RFX2: variants seen among roughly 807,000 people sequenced by gnomAD.
The protein encoded by RFX2 is regulatory factor X2.
Under a neutral mutation model 87.8 loss-of-function variants are expected in RFX2, and 20 were observed. That is an observed-to-expected ratio of 0.23 (90% CI 0.16 to 0.33). The LOEUF is 0.33. Among genes scored for constraint, RFX2 ranks in the 10% least tolerant of loss-of-function variants. RFX2 has a pLI of 1.00. For missense variants in RFX2, 767 were observed against 1,012.3 expected, an observed-to-expected ratio of 0.76 and a Z score of 3.29; for synonymous variants, 397 against 431.3, an observed-to-expected ratio of 0.92 and a Z score of 0.98.
At position 5,993,292 on chromosome 19, in the gene RFX2, A is replaced by T. The variant is rs957884327; in HGVS notation, c.*1543T>A. ...ATTTTAAAGACATTCTTTCTGTCTG[A>T]TTTCAACTAAGGTTTGGGCTATACG... On this transcript the variant is annotated 3_prime_UTR_variant, in exon 18 of 18. Coordinates refer to ENST00000303657, the MANE Select transcript of RFX2 (RefSeq NM_000635.4). 1 of 152,232 alleles carries T rather than the reference A, an allele frequency of 6.6e-6. No individual in the cohort carries two copies. The highest frequency in any genetic ancestry group is 2.4e-5 in the African/African-American group (1 of 41,456). The allele number at this position is 152,232 out of a possible 1,614,324, so 9.4% of individuals were successfully genotyped here.
intron 6 of RFX2, among the ~76,000 whole-genome samples, chr19:6,018,327 C>T (rs181523585): frequency 4.3e-4 from 65 of 152,316 alleles, no homozygotes; most frequent in Admixed American, 5.2e-4. Flanking sequence ...CCTGCACCAG[C>T]GACCAGCACC....
chr19:6,107,064 G>A (rs914424538), intron 1 of RFX2, among the ~76,000 whole-genome samples: 1 of 151,948 alleles, frequency 6.6e-6, no homozygotes, highest in African/African-American at 2.4e-5. Flanking sequence ...GGGAGGCCAA[G>A]GTGGGCGGAT....
intron 5 of RFX2, among the ~76,000 whole-genome samples, chr19:6,029,905 T>C (rs931838529): frequency 2.0e-5 from 3 of 152,036 alleles, no homozygotes; most frequent in African/African-American, 7.3e-5. Flanking sequence ...ATCAGGGAAC[T>C]TGAAGATGGG....
At chr19:6,075,211 A>G (rs573900614) in intron 1 of RFX2, among the ~76,000 whole-genome samples, 7 of 152,260 alleles carry the variant, frequency 4.6e-5, no homozygotes, top group Non-Finnish European at 4.4e-5. Flanking sequence ...TTGCTGAAAC[A>G]GCCCAAACAG....
chr19:6,005,131 T>C (rs2086563542), intron 12 of RFX2, among the ~76,000 whole-genome samples: 2 of 151,862 alleles, frequency 1.3e-5, no homozygotes, highest in Admixed American at 1.3e-4. Context: ...GAAAAATATT[T>C]TAAAATGCAA....
At chr19:6,000,737 C>T (rs1025842724) in intron 15 of RFX2, among the ~76,000 whole-genome samples, 12 of 152,240 alleles carry the variant, frequency 7.9e-5, no homozygotes, top group African/African-American at 1.2e-4. Context: ...TCCATTCAAC[C>T]TATTTTTCTT....
In RFX2 at chr19:6,039,618, G is replaced by A. The variant is rs1450212746; in HGVS notation, c.522+362C>T. Among the ~76,000 whole-genome samples the A allele has an allele frequency of 6.6e-6, 1 of 152,182 alleles. No individual in the cohort carries two copies. Among genetic ancestry groups the A allele is most frequent in the African/African-American group, 2.4e-5 (1 of 41,438 alleles). ...GATTCAGTCCAGGTGTCTCATGGAT[G>A]GATTGATCCACGCCTCTAAAAGCTT... On this transcript the variant is annotated intron_variant, in intron 5 of 17. Coordinates refer to ENST00000303657, the MANE Select transcript of RFX2 (RefSeq NM_000635.4). The surrounding 1 kb of genome is among the most constrained non-coding windows in gnomAD (Gnocchi z 5.2).
At position 6,020,256 on chromosome 19, in the gene RFX2, A is replaced by C. The variant is rs1466678315; in HGVS notation, c.598-3985T>G. 1 of 152,158 alleles carries C rather than the reference A, an allele frequency of 6.6e-6. No homozygotes were observed. Among genetic ancestry groups the C allele is most frequent in the African/African-American group, 2.4e-5 (1 of 41,408 alleles). 9.4% of individuals were successfully genotyped at this position (152,158 alleles called of 1,614,324 possible). On this transcript the variant is annotated intron_variant, in intron 6 of 17. Transcript: ENST00000303657. The surrounding 1 kb of genome is among the most constrained non-coding windows in gnomAD (Gnocchi z 5.3). ...TAAAAAGAAAGTTTTGGAACAGATGATCCTTCTGCTGTTTACCCCCGAACC... is the reference window on the plus strand; with the variant it reads ...TAAAAAGAAAGTTTTGGAACAGATGCTCCTTCTGCTGTTTACCCCCGAACC...
rs748517008 is a variant in RFX2 at position 5,997,230 on chromosome 19, A to G, written c.1860-17T>C. 4.4e-6 allele frequency: 7 copies of G among 1,605,146 alleles called. No homozygotes were observed. The South Asian group carries it at 6.6e-5, about 15-fold the overall frequency. Reference sequence around the variant, plus strand: ...ACCATGGAGCTGGGGACAAGCGGACAGAGGCTGGGGACCCTCAGGGGAGCA... The same window carrying G: ...ACCATGGAGCTGGGGACAAGCGGACGGAGGCTGGGGACCCTCAGGGGAGCA... On this transcript the variant is annotated splice_polypyrimidine_tract_variant and intron_variant, in intron 15 of 17. Coordinates refer to ENST00000303657, the MANE Select transcript of RFX2 (RefSeq NM_000635.4). This position sits in a 1 kb window ranked among gnomAD's most constrained non-coding sequence, Gnocchi z 4.2.
intron 5 of RFX2, among the ~76,000 whole-genome samples, chr19:6,029,841 T>C (rs1427803377): frequency 2.6e-5 from 4 of 152,186 alleles, no homozygotes; most frequent in African/African-American, 9.7e-5. Flanking sequence ...ATAGCTGGAA[T>C]GAAAACTTCA....
In RFX2 at chr19:6,074,158, G is replaced by A. The variant is rs553638685; in HGVS notation, c.-8-26654C>T. Among the ~76,000 whole-genome samples, 44 of 152,324 alleles carry A rather than the reference G, an allele frequency of 2.9e-4. No individual in the cohort carries two copies. The South Asian group carries it at 5.6e-3, about 19-fold the overall frequency. ...GAAGGGCAGCTCTGCCCAAAGCGGC[G>A]GACCAGGTGGGCAAACAGAGAGCCG... On this transcript the variant is annotated intron_variant, in intron 1 of 17. Coordinates refer to ENST00000303657, the MANE Select transcript of RFX2 (RefSeq NM_000635.4). This position sits in a 1 kb window ranked among gnomAD's most constrained non-coding sequence, Gnocchi z 5.2.
At chr19:6,051,579 A>G (rs1034310250) in intron 1 of RFX2, among the ~76,000 whole-genome samples, 3 of 152,348 alleles carry the variant, frequency 2.0e-5, no homozygotes, top group East Asian at 3.9e-4. Context: ...CCTACTTAAC[A>G]TATTTGATTA....
At chr19:6,075,280 G>A (rs2087675684) in intron 1 of RFX2, among the ~76,000 whole-genome samples, 1 of 152,154 alleles carries the variant, frequency 6.6e-6, no homozygotes, top group Non-Finnish European at 1.5e-5. Context: ...GGTGGAGGAG[G>A]AGGAGGAGGA....
chr19:6,073,480 C>A, intron 1 of RFX2: 1 of 824,186 alleles, frequency 1.2e-6, no homozygotes, highest in Non-Finnish European at 1.9e-6. Flanking sequence ...GCCCAGCTGC[C>A]GTCAGAGTCA....
Position 6,002,165 on chromosome 19 carries a change from C to T in RFX2, c.1651-142G>A. 1 of 687,610 alleles carries T rather than the reference C, an allele frequency of 1.5e-6. No homozygotes were observed. The highest frequency in any genetic ancestry group is 2.3e-6 in the Non-Finnish European group (1 of 427,122). The allele number at this position is 687,610 out of a possible 1,614,324, so 42.6% of individuals were successfully genotyped here. A position where few individuals can be genotyped will look rare whatever the true frequency, so the allele number is the denominator to read the frequency against. ...TGACCTTGACAGCTGCAAGCCAAGT[C>T]CTGTGTCTCCCGTCACAGGGGCAGA... On this transcript the variant is annotated intron_variant, in intron 14 of 17. Coordinates refer to ENST00000303657, the MANE Select transcript of RFX2 (RefSeq NM_000635.4). The surrounding 1 kb of genome is among the most constrained non-coding windows in gnomAD (Gnocchi z 6.7).
At chr19:6,014,296 C>T (rs751863387) in intron 7 of RFX2, among the ~76,000 whole-genome samples, 1 of 152,006 alleles carries the variant, frequency 6.6e-6, no homozygotes, top group African/African-American at 2.4e-5. Context: ...TGCAGTAGTG[C>T]GATCTCGGCT....
Position 6,083,530 on chromosome 19 carries a change from G to A in RFX2, c.-9+26863C>T, listed in dbSNP as rs114478046. The stretch of plus-strand genomic sequence containing the variant: ...AATAAAAACCCACAGTAGTGTGCTA[G>A]ATGTAGTCTGCTGACCCGTTTTTTT... On this transcript the variant is annotated intron_variant, in intron 1 of 17. Transcript: ENST00000303657. This position sits in a 1 kb window ranked among gnomAD's most constrained non-coding sequence, Gnocchi z 4.6. 6.7e-6 allele frequency among the ~76,000 whole-genome samples: 1 copy of A among 148,936 alleles called. No individual in the cohort carries two copies. The highest frequency in any genetic ancestry group is 2.5e-5 in the African/African-American group (1 of 40,388).
In RFX2 at chr19:6,061,093, C is replaced by T. The variant is rs2087422884; in HGVS notation, c.-8-13589G>A. On this transcript the variant is annotated intron_variant, in intron 1 of 17. Coordinates refer to ENST00000303657, the MANE Select transcript of RFX2 (RefSeq NM_000635.4). The surrounding 1 kb of genome is among the most constrained non-coding windows in gnomAD (Gnocchi z 5.2). ...CCCGGGACACGTGTCGCTGGTGACT[C>T]AGCCTGCTGTCTCCACCTGATACCA... 6.6e-6 allele frequency among the ~76,000 whole-genome samples: 1 copy of T among 152,166 alleles called. No homozygotes were observed. The highest frequency in any genetic ancestry group is 6.5e-5 in the Admixed American group (1 of 15,280).
At position 6,083,529 on chromosome 19, in the gene RFX2, A is replaced by T. The variant is rs150498893; in HGVS notation, c.-9+26864T>A. Among the ~76,000 whole-genome samples, 3 of 151,266 alleles carry T rather than the reference A, an allele frequency of 2.0e-5. No individual in the cohort carries two copies. The highest frequency in any genetic ancestry group is 7.3e-5 in the African/African-American group (3 of 41,070). On this transcript the variant is annotated intron_variant, in intron 1 of 17. Transcript: ENST00000303657. The surrounding 1 kb of genome is among the most constrained non-coding windows in gnomAD (Gnocchi z 4.6). ...AAATAAAAACCCACAGTAGTGTGCT[A>T]GATGTAGTCTGCTGACCCGTTTTTT... is the stretch of plus-strand genomic sequence containing the variant.
Sources: gnomAD v4.1 joint callset for allele counts (sites outside exome capture counted in the v4.1 genomes callset) on GRCh38, gnomAD v4.1.1 for gene constraint, Gnocchi (gnomAD v3.1) non-coding constraint, MANE v1.5 for transcripts, NCBI Gene and HGNC (gene_info 2026-07-23, HGNC 2026-07-21) for gene names.